DENND2B: variants seen among roughly 807,000 people sequenced by gnomAD.
DENND2B encodes the protein DENN domain containing 2B, also known as DENN domain-containing protein 2B.
DENND2B carries 32 observed loss-of-function variants against 116.0 expected under a neutral mutation model. That is an observed-to-expected ratio of 0.28 (90% confidence interval 0.21 to 0.37). The LOEUF (loss-of-function observed/expected upper bound fraction) is 0.37, where lower values mean the gene tolerates loss of function less well. DENND2B is among the 10% of genes least tolerant of loss of function. The pLI, the probability that DENND2B is intolerant of heterozygous loss-of-function variation, is 1.00. For synonymous variants in DENND2B, 588 were observed against 583.9 expected (o/e 1.01, Z -0.10); for missense variants, 1,276 against 1,477.7 (o/e 0.86, Z 2.24).
intron 1 of DENND2B, among the ~76,000 whole-genome samples, chr11:8,769,794 C>T (rs946397688): frequency 6.6e-6 from 1 of 152,174 alleles, no homozygotes; most frequent in African/African-American, 2.4e-5. Flanking sequence ...CACAAAAAAT[C>T]TGTCCCTTAT....
At chr11:8,753,045 T>C (rs978632040) in intron 1 of DENND2B, among the ~76,000 whole-genome samples, 5 of 152,184 alleles carry the variant, frequency 3.3e-5, no homozygotes, top group Non-Finnish European at 7.3e-5. Context: ...AAGACCAGCC[T>C]GGCCAACATG....
chr11:8,694,983 G>T (rs1413298820), intron 19 of DENND2B, among the ~76,000 whole-genome samples: 1 of 152,164 alleles, frequency 6.6e-6, no homozygotes, highest in African/African-American at 2.4e-5. Flanking sequence ...GATCACGTGA[G>T]GCCAGAAGTT....
intron 4 of DENND2B, among the ~76,000 whole-genome samples, chr11:8,825,411 T>TG (rs1377477758): frequency 4.6e-5 from 7 of 152,116 alleles, no homozygotes; most frequent in Non-Finnish European, 7.4e-5. Context: ...TACTTATAGA[T>TG]GCTGGATACT....
chr11:8,716,839 G>C (rs1592629684), intron 5 of DENND2B, among the ~76,000 whole-genome samples: 1 of 152,056 alleles, frequency 6.6e-6, no homozygotes, highest in South Asian at 2.1e-4. Context: ...GTAGAGATGA[G>C]GTTTCACTGG....
At chr11:8,874,490 G>A (rs910971231), upstream of DENND2B, among the ~76,000 whole-genome samples, 2 of 152,100 alleles carry the variant, frequency 1.3e-5, no homozygotes, top group African/African-American at 4.8e-5. Context: ...TTTTGCTTTG[G>A]CATGTTTTGT....
intron 1 of DENND2B, among the ~76,000 whole-genome samples, chr11:8,758,652 T>C (rs1466431143): frequency 1.3e-5 from 2 of 152,196 alleles, no homozygotes; most frequent in African/African-American, 4.8e-5. Flanking sequence ...TAGCTTCTTT[T>C]GAAAAATGAG....
At position 8,712,598 on chromosome 11, in the gene DENND2B, G is replaced by T. The variant is rs367793688; in HGVS notation, c.2125C>A (p.Pro709Thr). The change falls in exon 9 of 20, where the codon CCA becomes ACA. Residue 709 changes from proline to threonine, a missense_variant. Around this residue, in one of 2 missense-constraint regions of DENND2B, gnomAD observed 420 missense variants for 631.1 expected, o/e 0.67. Transcript: ENST00000313726. This position sits in a 1 kb window ranked among gnomAD's most constrained non-coding sequence, Gnocchi z 4.4. ...YFVVVSLKKK[P>T]SRNTYLPEVS... is the part of the protein sequence containing the mutation. Reference sequence around the variant, plus strand: ...TCGGGGAGGTAGGTGTTTCGCGATGGCTTCTTCTTGAGGGACACCACCACA... The same window carrying T: ...TCGGGGAGGTAGGTGTTTCGCGATGTCTTCTTCTTGAGGGACACCACCACA... 6.4e-7 allele frequency: 1 copy of T among 1,559,616 alleles called. No individual in the cohort carries two copies. The highest frequency in any genetic ancestry group is 1.9e-5 in the Admixed American group (1 of 51,774).
intron 4 of DENND2B, among the ~76,000 whole-genome samples, chr11:8,834,009 G>C (rs1179607017): frequency 6.6e-6 from 1 of 152,128 alleles, no homozygotes; most frequent in Non-Finnish European, 1.5e-5. Context: ...GCTTTTTTCA[G>C]AGAGACAAGA....
At position 8,696,673 on chromosome 11, in the gene DENND2B, G is replaced by T. The variant is rs147922058; in HGVS notation, c.3053-7C>A. On this transcript the variant is annotated splice_region_variant and splice_polypyrimidine_tract_variant and intron_variant, in intron 17 of 19. Coordinates refer to ENST00000313726, the MANE Select transcript of DENND2B (RefSeq NM_213618.2). ...CCATTGAGGGTATTACATTCTGGAA[G>T]GGAAAAGACAATCTTTGAGGTTCAG... 43 of 1,613,024 alleles carry T rather than the reference G, an allele frequency of 2.7e-5. No homozygotes were observed. The African/African-American group carries it at 5.2e-4, about 20-fold the overall frequency.
At chr11:8,872,191 TA>T (rs2063791448), upstream of DENND2B, among the ~76,000 whole-genome samples, 1 of 152,138 alleles carries the variant, frequency 6.6e-6, no homozygotes, top group Admixed American at 6.6e-5. Context: ...ATAATGAGTT[TA>T]AGATACATCC....
intron 1 of DENND2B, among the ~76,000 whole-genome samples, chr11:8,802,440 C>T (rs1419054876): frequency 6.6e-6 from 1 of 152,172 alleles, no homozygotes; most frequent in Non-Finnish European, 1.5e-5. Flanking sequence ...TTTGTTACAG[C>T]CCCATGAGAT....
chr11:8,841,848 C>T (rs1217964604), intron 3 of DENND2B, among the ~76,000 whole-genome samples: 4 of 152,234 alleles, frequency 2.6e-5, no homozygotes, highest in South Asian at 2.1e-4. Context: ...CTCCTCGATT[C>T]CTCTATTCTA....
chr11:8,750,814 A>C (rs543496735), intron 1 of DENND2B, 89 bp from the exon 2 acceptor site: 1 of 1,188,080 alleles, frequency 8.4e-7, no homozygotes, highest in Admixed American at 1.8e-5. Flanking sequence ...AAAAGTGCCA[A>C]GAGGGTGTCT....
intron 2 of DENND2B, among the ~76,000 whole-genome samples, chr11:8,749,590 T>C (rs1235073761): frequency 6.6e-6 from 1 of 152,206 alleles, no homozygotes; most frequent in Admixed American, 6.5e-5. Context: ...CCGTGCACTA[T>C]TCTACCAACT....
chr11:8,846,119 C>T (rs754119774), intron 3 of DENND2B, among the ~76,000 whole-genome samples: 4 of 152,082 alleles, frequency 2.6e-5, no homozygotes, highest in Non-Finnish European at 5.9e-5. Flanking sequence ...CAGACAGGGA[C>T]GTGCCAGAGG....
chr11:8,893,384 A>G (rs533756959), intron 1 of DENND2B, among the ~76,000 whole-genome samples: 15 of 152,266 alleles, frequency 9.9e-5, no homozygotes, highest in Admixed American at 2.0e-4. Flanking sequence ...CATAGTGTTG[A>G]AAGTTCTGGC....
intron 4 of DENND2B, chr11:8,835,692 C>G (rs771958984): frequency 6.6e-6 from 1 of 152,134 alleles, no homozygotes; most frequent in East Asian, 1.9e-4. Context: ...CCAGGGAGGA[C>G]GCACTGGATA....
At chr11:8,882,832 A>G (rs1263645451) in intron 1 of DENND2B, among the ~76,000 whole-genome samples, 1 of 151,962 alleles carries the variant, frequency 6.6e-6, no homozygotes, top group Non-Finnish European at 1.5e-5. Context: ...TAGAAAAAAT[A>G]CAAAAATTAG....
intron 4 of DENND2B, among the ~76,000 whole-genome samples, chr11:8,817,072 AG>A (rs1293926363): frequency 1.3e-5 from 2 of 152,136 alleles, no homozygotes; most frequent in Admixed American, 6.6e-5. Flanking sequence ...CAGAGAAGAA[AG>A]GTGCTAAATT....
Sources: allele counts gnomAD v4.1 joint callset (sites outside exome capture counted in the v4.1 genomes callset), GRCh38; gene constraint gnomAD v4.1.1; regional missense constraint gnomAD v4.1.1; non-coding constraint Gnocchi (gnomAD v3.1); transcripts MANE v1.5; gene names NCBI Gene and HGNC (gene_info 2026-07-23, HGNC 2026-07-21).